The following DENND4C variants were observed in gnomAD, a reference collection of about 807,000 sequenced individuals.
DENND4C encodes the protein DENN domain containing 4C.
Under a neutral mutation model 203.0 loss-of-function variants are expected in DENND4C, and 108 were observed. That is an observed-to-expected ratio of 0.53 (90% CI 0.46 to 0.62). The LOEUF is 0.62. Ranked by LOEUF, DENND4C falls within the 20% of genes least tolerant of loss-of-function variation. The pLI is 0.00. For synonymous variants in DENND4C, 871 were observed against 792.4 expected (o/e 1.10, Z -1.67); for missense variants, 2,481 against 2,301.2 (o/e 1.08, Z -1.60).
In DENND4C at chr9:19,299,268, T is replaced by G; in HGVS notation, c.1147T>G (p.Ser383Ala). The G allele has an allele frequency of 1.3e-6, 2 of 1,587,860 alleles. No homozygotes were observed. The highest frequency in any genetic ancestry group is 1.7e-6 in the Non-Finnish European group (2 of 1,169,474). ...TGCATTAATATTATCACAGCCAGTT[T>G]CTACACCTTTACCACTAAGGTAATT... ...HDALILSQPV[S>A]TPLPLSGANF... Residue 383 changes from serine to alanine, a missense_variant, in exon 8 of 33, where the codon TCT (serine) becomes GCT (alanine). Physicochemically the swap from Ser to Ala is moderately conservative, Grantham distance 99. Around this residue, in one of 3 missense-constraint regions of DENND4C, gnomAD observed 2,289 missense variants for 2,113.3 expected, o/e 1.08. Coordinates refer to ENST00000434457, the MANE Select transcript of DENND4C (RefSeq NM_001330640.2).
intron 2 of DENND4C, among the ~76,000 whole-genome samples, chr9:19,281,168 C>T (rs994686290): frequency 3.9e-5 from 6 of 152,142 alleles, no homozygotes; most frequent in African/African-American, 1.4e-4. Context: ...AAAATGATGA[C>T]TTACGTAATT....
chr9:19,360,535 G>T (rs779910493), intron 29 of DENND4C, 46 bp downstream of exon 29: 1 of 1,609,254 alleles, frequency 6.2e-7, no homozygotes, highest in South Asian at 1.1e-5. Context: ...AGTAGGATGA[G>T]GCTTAACTTC....
In DENND4C at chr9:19,316,662, C is replaced by G; in HGVS notation, c.1630C>G (p.Pro544Ala). ...AGAAGGCTCAGCGATTGACATGACT[C>G]CAATTGAAGCAGATTTCTCCTGGCA... The part of the protein sequence containing the change: ...TQEGSAIDMT[P>A]IEADFSWQKK... The change falls in exon 12 of 33, where the codon CCA (proline) becomes GCA (alanine). Residue 544 changes from proline (P) to alanine (A), a missense_variant. By Grantham distance (27) the Pro-to-Ala change is conservative. Coordinates refer to ENST00000434457, the MANE Select transcript of DENND4C (RefSeq NM_001330640.2). 3 of 1,614,040 alleles carry G rather than the reference C, an allele frequency of 1.9e-6. No individual in the cohort carries two copies. The highest frequency in any genetic ancestry group is 2.5e-6 in the Non-Finnish European group (3 of 1,180,002).
At chr9:19,329,839 A>G (rs753721294) in intron 16 of DENND4C, among the ~76,000 whole-genome samples, 1 of 152,258 alleles carries the variant, frequency 6.6e-6, no homozygotes, top group Non-Finnish European at 1.5e-5. Context: ...GAGTTAACTT[A>G]GGACAACCTA....
chr9:19,343,059 A>G (rs1332255127), intron 22 of DENND4C, among the ~76,000 whole-genome samples: 1 of 152,218 alleles, frequency 6.6e-6, no homozygotes, highest in Admixed American at 6.5e-5. Context: ...TATAGATAAT[A>G]AGAAAGTGTA....
intron 27 of DENND4C, 188 bp from the exon 28 acceptor site, chr9:19,357,777 A>G (rs1825714647): frequency 1.9e-6 from 1 of 516,274 alleles, no homozygotes; most frequent in Admixed American, 3.3e-5. Context: ...AGAACCATCT[A>G]CTCCATCCTG....
At chr9:19,289,876 G>A (rs1252682366) in intron 4 of DENND4C, among the ~76,000 whole-genome samples, 3 of 150,504 alleles carry the variant, frequency 2.0e-5, no homozygotes, top group Non-Finnish European at 4.4e-5. Context: ...GTAATATGTT[G>A]ATTATGTGTG....
chr9:19,365,282 A>G (rs1827402810), intron 30 of DENND4C, among the ~76,000 whole-genome samples: 1 of 152,206 alleles, frequency 6.6e-6, no homozygotes, highest in Non-Finnish European at 1.5e-5. Context: ...TACTATCAAT[A>G]GAGTAAAGGA....
chr9:19,289,644 C>T (rs894750089), intron 4 of DENND4C, among the ~76,000 whole-genome samples: 10 of 151,976 alleles, frequency 6.6e-5, no homozygotes, highest in Non-Finnish European at 5.9e-5. Flanking sequence ...GCCTGGCCAA[C>T]ATGGTGAAAC....
At position 19,310,553 on chromosome 9, in the gene DENND4C, T is replaced by C. The variant is rs141524066; in HGVS notation, c.1487+5026T>C. On this transcript the variant is annotated intron_variant, in intron 10 of 32. Coordinates refer to ENST00000434457, the MANE Select transcript of DENND4C (RefSeq NM_001330640.2). ...CTAAAATATTTACTGTCTGGTTCTTTCAGTAAAAATTTGCCTATCCTTCCT... is the reference window on the plus strand; with the variant it reads ...CTAAAATATTTACTGTCTGGTTCTTCCAGTAAAAATTTGCCTATCCTTCCT... Among the ~76,000 whole-genome samples, 9 of 152,386 alleles carry C rather than the reference T, an allele frequency of 5.9e-5. No homozygotes were observed. In the East Asian group the frequency reaches 1.7e-3, roughly 29 times the overall value.
chr9:19,299,157 A>C, intron 7 of DENND4C, 72 bp from the exon 8 acceptor site: 1 of 1,111,988 alleles, frequency 9.0e-7, no homozygotes. Context: ...AGATTTCAAA[A>C]GTAGTTTTGA....
At chr9:19,277,796 C>T (rs1019855243) in intron 2 of DENND4C, among the ~76,000 whole-genome samples, 1 of 152,096 alleles carries the variant, frequency 6.6e-6, no homozygotes, top group Non-Finnish European at 1.5e-5. Flanking sequence ...GTAAATATTC[C>T]TTAAATACCA....
intron 26 of DENND4C, among the ~76,000 whole-genome samples, chr9:19,353,075 G>A (rs2132093487): frequency 6.6e-6 from 1 of 152,266 alleles, no homozygotes; most frequent in African/African-American, 2.4e-5. Flanking sequence ...GTTTGAAGCT[G>A]CAGTGAGTAT....
intron 9 of DENND4C, among the ~76,000 whole-genome samples, chr9:19,302,329 A>AT (rs1838755264): frequency 6.6e-6 from 1 of 152,384 alleles, no homozygotes; most frequent in East Asian, 1.9e-4. Context: ...CAAGTGCTTT[A>AT]TAAAAAGTGA....
At chr9:19,281,466 T>C (rs574795718) in intron 2 of DENND4C, among the ~76,000 whole-genome samples, 1 of 152,348 alleles carries the variant, frequency 6.6e-6, no homozygotes, top group Admixed American at 6.5e-5. Flanking sequence ...TAGGAAAGCC[T>C]ATTAGCTACT....
Position 19,369,997 on chromosome 9 carries a change from C to G in DENND4C, c.5675+10C>G. On this transcript the variant is annotated intron_variant, in intron 31 of 32. Coordinates refer to ENST00000434457, the MANE Select transcript of DENND4C (RefSeq NM_001330640.2). ...GCATGAAAAGACAAAGGTAATAATC[C>G]AGTATTTTTTGCTTGCCACCACTCA... 6.2e-7 allele frequency: 1 copy of G among 1,611,712 alleles called. No individual in the cohort carries two copies. Among genetic ancestry groups the G allele is most frequent in the Non-Finnish European group, 8.5e-7 (1 of 1,179,204 alleles).
chr9:19,258,189 G>A (rs1359189627), intron 1 of DENND4C, among the ~76,000 whole-genome samples: 3 of 152,108 alleles, frequency 2.0e-5, no homozygotes, highest in African/African-American at 7.2e-5. Context: ...CCTCGTATGT[G>A]TTAAAGGAAT....
At position 19,326,074 on chromosome 9, in the gene DENND4C, A is replaced by G; in HGVS notation, c.2000A>G (p.Asp667Gly). 1 of 1,608,546 alleles carries G rather than the reference A, an allele frequency of 6.2e-7. No individual in the cohort carries two copies. The highest frequency in any genetic ancestry group is 8.5e-7 in the Non-Finnish European group (1 of 1,178,446). ...GTEKTDKVDF[D>G]SAEDTRLIEL... Reference sequence around the variant, plus strand: ...AATAATGATTTTCAGGTTGATTTTGATTCAGCAGAAGATACCAGATTGATA... The same window carrying G: ...AATAATGATTTTCAGGTTGATTTTGGTTCAGCAGAAGATACCAGATTGATA... The change falls in exon 15 of 33, where the codon GAT becomes GGT. Residue 667 changes from aspartate (D) to glycine (G), a missense_variant. By Grantham distance (94) the Asp-to-Gly change is moderately conservative (BLOSUM62 -1). Transcript: ENST00000434457.
At chr9:19,282,954 A>G (rs939778540) in intron 2 of DENND4C, among the ~76,000 whole-genome samples, 3 of 151,834 alleles carry the variant, frequency 2.0e-5, no homozygotes, top group African/African-American at 7.3e-5. Context: ...CCTGACCTCA[A>G]GTGATCCACC....
Sources: gnomAD v4.1 joint callset for allele counts (sites outside exome capture counted in the v4.1 genomes callset) on GRCh38, gnomAD v4.1.1 for gene constraint, gnomAD v4.1.1 regional missense constraint, MANE v1.5 for transcripts, NCBI Gene and HGNC (gene_info 2026-07-23, HGNC 2026-07-21) for gene names.